The following TEX15 variants were observed in gnomAD, a reference collection of about 807,000 sequenced individuals.
TEX15 encodes the protein testis-expressed protein 15.
Under a neutral mutation model 237.3 loss-of-function variants are expected in TEX15, and 171 were observed. The observed-to-expected ratio is 0.72, with a 90% confidence interval of 0.64 to 0.82. The LOEUF (loss-of-function observed/expected upper bound fraction) is 0.82, where lower values mean the gene tolerates loss of function less well. TEX15 is among the 40% of genes least tolerant of loss of function. The pLI, the probability that TEX15 is intolerant of heterozygous loss-of-function variation, is 0.00. For synonymous variants in TEX15, 1,338 were observed against 1,269.8 expected (o/e 1.05, Z -1.14); for missense variants, 3,750 against 3,646.5 (o/e 1.03, Z -0.73).
chr8:30,912,926 C>G lies in TEX15; in HGVS notation c.-133G>C, dbSNP rs1414808721. On this transcript the variant is annotated 5_prime_UTR_variant, in exon 1 of 11. Coordinates refer to ENST00000643185, the MANE Select transcript of TEX15 (RefSeq NM_001350162.2). Reference sequence around the variant, plus strand: ...GTCAGTTCCTCAGACTCAATCTTAGCACGGTACAGACCTTCGCCCACTGCC... The same window carrying G: ...GTCAGTTCCTCAGACTCAATCTTAGGACGGTACAGACCTTCGCCCACTGCC... 2 of 152,364 alleles carry G rather than the reference C, an allele frequency of 1.3e-5. No individual in the cohort carries two copies. Among genetic ancestry groups the G allele is most frequent in the Non-Finnish European group, 2.9e-5 (2 of 68,166 alleles). 9.4% of individuals were successfully genotyped at this position (152,364 alleles called of 1,614,324 possible).
intron 2 of TEX15, chr8:30,887,907 T>C (rs1484307457): frequency 8.1e-6 from 1 of 124,044 alleles, no homozygotes; most frequent in African/African-American, 2.8e-5. Flanking sequence ...TATATATATA[T>C]ATATATATAT....
At position 30,871,328 on chromosome 8, in the gene TEX15, A is replaced by T. The variant is rs1808287390; in HGVS notation, c.302+3609T>A. Among the ~76,000 whole-genome samples the T allele has an allele frequency of 2.0e-5, 3 of 152,016 alleles. No homozygotes were observed. In the South Asian group the frequency reaches 6.2e-4, roughly 31 times the overall value. On this transcript the variant is annotated intron_variant, in intron 4 of 10. Transcript: ENST00000643185. Reference sequence around the variant, plus strand: ...ATTCTGAACTTGGCCCCTCAATGATACGAAGAACTTGTTTTTCCCCACAAC... The same window carrying T: ...ATTCTGAACTTGGCCCCTCAATGATTCGAAGAACTTGTTTTTCCCCACAAC...
chr8:30,873,732 A>C (rs1808344495), intron 4 of TEX15, among the ~76,000 whole-genome samples: 1 of 152,194 alleles, frequency 6.6e-6, no homozygotes, highest in East Asian at 1.9e-4. Context: ...CACAAGAACA[A>C]GATAAAACTC....
At chr8:30,895,192 G>A (rs1465893485) in intron 2 of TEX15, among the ~76,000 whole-genome samples, 1 of 147,576 alleles carries the variant, frequency 6.8e-6, no homozygotes, top group Non-Finnish European at 1.5e-5. Context: ...AAAAAAATAT[G>A]TAGTATAATG....
chr8:30,836,616 T>C (rs1205619276), intron 10 of TEX15, among the ~76,000 whole-genome samples, 187 bp downstream of exon 10: 1 of 152,154 alleles, frequency 6.6e-6, no homozygotes, highest in Non-Finnish European at 1.5e-5. Context: ...CAGTTTTTTT[T>C]CTTGAATTTT....
rs182850395 is a variant in TEX15 at position 30,885,113 on chromosome 8, T to C, written c.136+2054A>G. On this transcript the variant is annotated intron_variant, in intron 3 of 10. Transcript: ENST00000643185. ...AAGTGTGCTGTTTAATCTCAAAGAA[T>C]TTGGGTATTTTCCAGCTATCTTTGG... Among the ~76,000 whole-genome samples, 423 of 152,248 alleles carry C rather than the reference T, an allele frequency of 2.8e-3. 4 individuals carry two copies. The highest frequency in any genetic ancestry group is 9.5e-3 in the African/African-American group (396 of 41,548).
At chr8:30,873,534 G>C (rs1808338450) in intron 4 of TEX15, among the ~76,000 whole-genome samples, 1 of 152,076 alleles carries the variant, frequency 6.6e-6, no homozygotes, top group East Asian at 1.9e-4. Flanking sequence ...TCCCATTTGG[G>C]AATACTGGAG....
chr8:30,877,753 A>G (rs1295788760), intron 3 of TEX15, among the ~76,000 whole-genome samples: 1 of 152,184 alleles, frequency 6.6e-6, no homozygotes, highest in Non-Finnish European at 1.5e-5. Flanking sequence ...ATGTAACTAT[A>G]ATCCAGTATC....
chr8:30,887,569 T>C (rs1808680234), intron 2 of TEX15: 1 of 243,738 alleles, frequency 4.1e-6, no homozygotes, highest in South Asian at 8.0e-5. Flanking sequence ...GAGGCTGAGG[T>C]GGGCAGATCA....
intron 1 of TEX15, among the ~76,000 whole-genome samples, chr8:30,901,822 G>T (rs975655954): frequency 4.6e-5 from 7 of 152,152 alleles, no homozygotes; most frequent in African/African-American, 1.7e-4. Flanking sequence ...TCTGGAATAT[G>T]GAAAGGCATA....
intron 7 of TEX15, among the ~76,000 whole-genome samples, chr8:30,857,557 A>G (rs995918012): frequency 2.1e-4 from 32 of 152,216 alleles, no homozygotes; most frequent in Non-Finnish European, 4.3e-4. Flanking sequence ...GAATTCCTAC[A>G]AATCAGTAAT....
At chr8:30,868,161 G>T (rs1311564998) in intron 4 of TEX15, among the ~76,000 whole-genome samples, 3 of 151,942 alleles carry the variant, frequency 2.0e-5, no homozygotes, top group Non-Finnish European at 4.4e-5. Flanking sequence ...TTGATTACAG[G>T]ATCTTATCTT....
rs202150061 is a variant in TEX15, at chr8:30,837,661, A to G, written c.8623T>C (p.Cys2875Arg). 1 of 1,614,054 alleles carries G rather than the reference A, an allele frequency of 6.2e-7. No homozygotes were observed. The highest frequency in any genetic ancestry group is 2.2e-5 in the East Asian group (1 of 44,878). Residue 2875 changes from cysteine to arginine, a missense_variant, in exon 10 of 11, where the codon TGC becomes CGC. By Grantham distance (180) the Cys-to-Arg change is radical (BLOSUM62 -3). Coordinates refer to ENST00000643185, the MANE Select transcript of TEX15 (RefSeq NM_001350162.2). Reference sequence around the variant, plus strand: ...GTTTCTGGGTTTATATCAGAAAGGCAGGATTTTTGGGTGGGATCTGGGGAA... The same window carrying G: ...GTTTCTGGGTTTATATCAGAAAGGCGGGATTTTTGGGTGGGATCTGGGGAA... Reference protein sequence around the residue: ...KNSPDPTQKSCLSDINPETDV... With the variant: ...KNSPDPTQKSRLSDINPETDV...
Position 30,843,694 on chromosome 8 carries a change from C to G in TEX15, c.6473G>C (p.Arg2158Thr), listed in dbSNP as rs144490667. 310 of 1,612,212 alleles carry G rather than the reference C, an allele frequency of 1.9e-4. No individual in the cohort carries two copies. The African/African-American group carries it at 3.5e-3, about 18-fold the overall frequency. ...QLVELLEETKREKNSYYVFLK... is the reference protein window; with the variant it reads ...QLVELLEETKTEKNSYYVFLK... Reference sequence around the variant, plus strand: ...GAATACATAGTATGAATTCTTTTCCCTTTTTGTTTCTTCAAGCAATTCAAC... The same window carrying G: ...GAATACATAGTATGAATTCTTTTCCGTTTTTGTTTCTTCAAGCAATTCAAC... Residue 2158 changes from arginine to threonine, a missense_variant, in exon 8 of 11, where the codon AGG becomes ACG. Physicochemically the swap from Arg to Thr is moderately conservative, Grantham distance 71. Coordinates refer to ENST00000643185, the MANE Select transcript of TEX15 (RefSeq NM_001350162.2).
intron 4 of TEX15, among the ~76,000 whole-genome samples, chr8:30,868,791 A>G (rs1808228712): frequency 6.6e-6 from 1 of 151,984 alleles, no homozygotes; most frequent in Non-Finnish European, 1.5e-5. Context: ...ACACAGAATA[A>G]ATTAAAGATG....
At chr8:30,903,261 A>C (rs1380685029) in intron 1 of TEX15, among the ~76,000 whole-genome samples, 1 of 152,230 alleles carries the variant, frequency 6.6e-6, no homozygotes, top group East Asian at 1.9e-4. Flanking sequence ...ATGAGAGCAG[A>C]CTTAAAAATA....
At chr8:30,839,987 A>G in intron 8 of TEX15, 23 bp from the exon 9 acceptor site, 1 of 1,467,616 alleles carries the variant, frequency 6.8e-7, no homozygotes, top group Non-Finnish European at 9.3e-7. Context: ...GATACAAAGA[A>G]AATCTTCATT....
In TEX15 at chr8:30,844,852, C is replaced by A. The variant is rs376683373; in HGVS notation, c.5315G>T (p.Cys1772Phe). The A allele has an allele frequency of 1.9e-6, 3 of 1,613,332 alleles. No homozygotes were observed. The South Asian group carries it at 3.3e-5, about 18-fold the overall frequency. The change falls in exon 8 of 11, where the codon TGC (cysteine) becomes TTC (phenylalanine). Residue 1772 changes from cysteine to phenylalanine, a missense_variant. By Grantham distance (205) the Cys-to-Phe change is radical. Transcript: ENST00000643185. ...REKELLKTEQCSSGNCLHTDG... is the reference protein window; with the variant it reads ...REKELLKTEQFSSGNCLHTDG... ...TGTATGGAGGCAATTACCTGAAGAG[C>A]ACTGTTCTGTCTTTAGAAGCTCTTT...
chr8:30,899,697 C>A (rs1808972229), intron 1 of TEX15, among the ~76,000 whole-genome samples: 1 of 152,186 alleles, frequency 6.6e-6, no homozygotes, highest in South Asian at 2.1e-4. Context: ...CTCAGCCTGC[C>A]AAAGTGCTGG....
Sources: allele counts gnomAD v4.1 joint callset (sites outside exome capture counted in the v4.1 genomes callset), GRCh38; gene constraint gnomAD v4.1.1; transcripts MANE v1.5; gene names NCBI Gene and HGNC (gene_info 2026-07-23, HGNC 2026-07-21).